The following SESN2 variants were observed in gnomAD, a reference collection of about 807,000 sequenced individuals.
SESN2 encodes sestrin 2, also known as sestrin-2.
SESN2 carries 42 observed loss-of-function variants against 56.0 expected under a neutral mutation model. The observed-to-expected ratio is 0.75, with a 90% confidence interval of 0.59 to 0.97. The LOEUF (loss-of-function observed/expected upper bound fraction) is 0.97. SESN2 is among the 50% of genes least tolerant of loss of function. SESN2 has a pLI of 0.00. For missense variants in SESN2, 507 were observed against 649.4 expected (o/e 0.78, Z 2.38); for synonymous variants, 264 against 267.1 (o/e 0.99, Z 0.11).
intron 1 of SESN2, 37 bp downstream of exon 1, chr1:28,259,974 AC>A: frequency 7.0e-7 from 1 of 1,435,616 alleles, no homozygotes; most frequent in Non-Finnish European, 9.3e-7. Flanking sequence ...CTTCCCTGGA[AC>A]CCCGAACCGC....
At chr1:28,276,065 T>C (rs907585352) in intron 8 of SESN2, among the ~76,000 whole-genome samples, 5 of 152,094 alleles carry the variant, frequency 3.3e-5, no homozygotes, top group Non-Finnish European at 7.4e-5. Context: ...GAGGATCCCT[T>C]GAGCCTGGGA....
At chr1:28,268,085 A>T (rs1647620678) in intron 1 of SESN2, among the ~76,000 whole-genome samples, 1 of 152,142 alleles carries the variant, frequency 6.6e-6, no homozygotes, top group Non-Finnish European at 1.5e-5. Context: ...AGGGGGAGGT[A>T]GGGTTTTAAG....
At chr1:28,260,042 A>G (rs1647314093) in intron 1 of SESN2, 105 bp downstream of exon 1, 7 of 829,020 alleles carry the variant, frequency 8.4e-6, no homozygotes, top group Admixed American at 4.1e-5. Flanking sequence ...CGGGGAGGGA[A>G]AGCCGAGCGC....
chr1:28,275,253 A>G (rs1381962882), intron 8 of SESN2, among the ~76,000 whole-genome samples: 1 of 151,566 alleles, frequency 6.6e-6, no homozygotes, highest in Non-Finnish European at 1.5e-5. Context: ...ACATATATAT[A>G]CACACACACA....
At position 28,273,421 on chromosome 1, in the gene SESN2, C is replaced by G. The variant is rs1181788326; in HGVS notation, c.814C>G (p.Leu272Val). 3 of 1,611,584 alleles carry G rather than the reference C, an allele frequency of 1.9e-6. No homozygotes were observed. Among genetic ancestry groups the G allele is most frequent in the East Asian group, 2.2e-5 (1 of 44,880 alleles). ...GCGCATGCAGCAGCTGCAGGAGAGC[C>G]TGCTGCGGGATGAGGGGACGTCCCA... ...MERMQQLQES[L>V]LRDEGTSQEE... The change falls in exon 6 of 10, where the codon CTG becomes GTG. Residue 272 changes from leucine to valine, a missense_variant. Coordinates refer to ENST00000253063, the MANE Select transcript of SESN2 (RefSeq NM_031459.5).
At chr1:28,264,470 A>G (rs1184388063) in intron 1 of SESN2, among the ~76,000 whole-genome samples, 1 of 152,186 alleles carries the variant, frequency 6.6e-6, no homozygotes, top group Non-Finnish European at 1.5e-5. Context: ...TGATCTGTTT[A>G]GTTGAAATTA....
chr1:28,272,781 GA>G lies in SESN2; in HGVS notation c.740del (p.Asn247ThrfsTer15). ...GCAGCCCCCCAAGCAGGGACCCGTT[GA>G]ACAACTCTGGGGTAAGTCACGGGCC... ...QSSPPSRDPL[N>X]NSGGFESARD... On this transcript the variant is annotated frameshift_variant, in exon 5 of 10. Coordinates refer to ENST00000253063, the MANE Select transcript of SESN2 (RefSeq NM_031459.5). LOFTEE classifies it high-confidence loss of function. The G allele has an allele frequency of 6.3e-7, 1 of 1,595,672 alleles. No homozygotes were observed. Among genetic ancestry groups the G allele is most frequent in the Non-Finnish European group, 8.6e-7 (1 of 1,167,456 alleles).
chr1:28,276,333 G>A (rs1252207836), intron 8 of SESN2, among the ~76,000 whole-genome samples: 1 of 151,770 alleles, frequency 6.6e-6, no homozygotes, highest in Non-Finnish European at 1.5e-5. Flanking sequence ...ATAAAAATTA[G>A]CTGAGTGTGG....
intron 1 of SESN2, among the ~76,000 whole-genome samples, chr1:28,260,484 C>T (rs1410289167): frequency 6.6e-6 from 1 of 152,176 alleles, no homozygotes; most frequent in African/African-American, 2.4e-5. Flanking sequence ...ATGTCCACCG[C>T]ACTCCTGCTT....
In SESN2 at chr1:28,274,052, A is replaced by T. The variant is rs750586812; in HGVS notation, c.914A>T (p.Glu305Val). The T allele has an allele frequency of 3.1e-6, 5 of 1,612,876 alleles. No individual in the cohort carries two copies. The South Asian group carries it at 3.3e-5, about 11-fold the overall frequency. The change falls in exon 7 of 10, where the codon GAG becomes GTG. Residue 305 changes from glutamate to valine, a missense_variant. By Grantham distance (121) the Glu-to-Val change is moderately radical (BLOSUM62 -2). Coordinates refer to ENST00000253063, the MANE Select transcript of SESN2 (RefSeq NM_031459.5). ...LLVTPSADIL[E>V]PSPHPDMLCF... ...TTCTGGTCCTCAGCTGACATCCTGGAGCCCTCTCCACACCCAGACATGCTG... is the reference window on the plus strand; with the variant it reads ...TTCTGGTCCTCAGCTGACATCCTGGTGCCCTCTCCACACCCAGACATGCTG...
chr1:28,259,870 GC>G lies in SESN2; in HGVS notation c.25del (p.Arg9AlafsTer62). 7.1e-7 allele frequency: 1 copy of G among 1,411,906 alleles called. No individual in the cohort carries two copies. Among genetic ancestry groups the G allele is most frequent in the Non-Finnish European group, 9.2e-7 (1 of 1,084,256 alleles). 87.5% of individuals were successfully genotyped at this position (1,411,906 alleles called of 1,614,324 possible). On this transcript the variant is annotated frameshift_variant, in exon 1 of 10. Coordinates refer to ENST00000253063, the MANE Select transcript of SESN2 (RefSeq NM_031459.5). LOFTEE classifies it high-confidence loss of function. ...ACCATGATCGTGGCGGACTCCGAGT[GC>G]CGCGCAGAGCTCAAGGACTACCTGC... is the stretch of plus-strand genomic sequence containing the variant. MIVADSECRAELKDYLRF... is the reference protein window; with the variant it reads MIVADSEXRAELKDYLRF...
At chr1:28,278,859 G>T (rs71642228) in intron 8 of SESN2, among the ~76,000 whole-genome samples, 6,062 of 152,312 alleles carry the variant, frequency 0.04, 145 homozygotes, top group Non-Finnish European at 0.066. Flanking sequence ...ATGGCACATA[G>T]TTGGTATTCA....
In SESN2 at chr1:28,279,248, C is replaced by T. The variant is rs1648153047; in HGVS notation, c.1356+7C>T. On this transcript the variant is annotated splice_region_variant and intron_variant, in intron 9 of 9. Coordinates refer to ENST00000253063, the MANE Select transcript of SESN2 (RefSeq NM_031459.5). ...CTTCCGCCACTCAGAGAAGGTATGA[C>T]CTATACAGGCAGGGCAGGATGGAAG... The T allele has an allele frequency of 1.9e-6, 3 of 1,613,872 alleles. No homozygotes were observed. The highest frequency in any genetic ancestry group is 8.5e-7 in the Non-Finnish European group (1 of 1,180,000).
At chr1:28,261,167 A>G (rs1485540775) in intron 1 of SESN2, among the ~76,000 whole-genome samples, 2 of 152,104 alleles carry the variant, frequency 1.3e-5, no homozygotes, top group African/African-American at 4.8e-5. Context: ...TTCTCTTAGT[A>G]ACGTGGTTTC....
At chr1:28,269,088 G>T (rs992678267) in intron 1 of SESN2, 95 bp from the exon 2 acceptor site, 3 of 855,170 alleles carry the variant, frequency 3.5e-6, no homozygotes, top group Non-Finnish European at 5.6e-6. Context: ...TAACACTTCA[G>T]TGTAGCCCCT....
intron 1 of SESN2, among the ~76,000 whole-genome samples, chr1:28,262,621 C>CA (rs71027268): frequency 0.2 from 10,251 of 52,232 alleles, 1,250 homozygotes; most frequent in Non-Finnish European, 0.24. Context: ...GAGTCTGTCT[C>CA]AAAAAAAAAA....
chr1:28,264,058 CTATT>C (rs1423863886), intron 1 of SESN2, among the ~76,000 whole-genome samples: 1 of 134,578 alleles, frequency 7.4e-6, no homozygotes, highest in Admixed American at 7.8e-5. Flanking sequence ...GACCTCATCT[CTATT>C]TAAAAAAAAA....
Position 28,274,904 on chromosome 1 carries a change from TC to T in SESN2, c.1102del (p.Gln368ArgfsTer46). 1 of 1,614,182 alleles carries T rather than the reference TC, an allele frequency of 6.2e-7. No individual in the cohort carries two copies. The highest frequency in any genetic ancestry group is 1.7e-4 in the Middle Eastern group (1 of 6,060). ...PEGGQLLDEKFQAAYSLTYNT... is the reference protein window; with the variant it reads ...PEGGQLLDEKXQAAYSLTYNT... ...GGTGGGCAGCTGCTGGATGAGAAGT[TC>T]CAGGCAGCCTATAGCCTCACCTACA... On this transcript the variant is annotated frameshift_variant, in exon 8 of 10. Transcript: ENST00000253063. LOFTEE classifies it high-confidence loss of function.
chr1:28,266,574 T>G (rs901962254), intron 1 of SESN2, among the ~76,000 whole-genome samples: 3 of 151,144 alleles, frequency 2.0e-5, no homozygotes, highest in Non-Finnish European at 4.4e-5. Flanking sequence ...TTTTTTTTTT[T>G]TTTGAGACAG....
Sources: allele counts gnomAD v4.1 joint callset (sites outside exome capture counted in the v4.1 genomes callset), GRCh38; gene constraint gnomAD v4.1.1; transcripts MANE v1.5; gene names NCBI Gene and HGNC (gene_info 2026-07-23, HGNC 2026-07-21).